Variants in MS4A6A observed in about 807,000 individuals in gnomAD.
MS4A6A encodes membrane spanning 4-domains A6A, also known as membrane-spanning 4-domains subfamily A member 6A.
A neutral mutation model predicts 20.6 loss-of-function variants in MS4A6A; 19 were observed. The observed-to-expected ratio is 0.92, with a 90% CI of 0.64 to 1.36. The LOEUF (loss-of-function observed/expected upper bound fraction) is 1.36, where lower values mean the gene tolerates loss of function less well. Among genes scored for constraint, MS4A6A ranks in the 40% most tolerant of loss-of-function variants. MS4A6A has a pLI of 0.00. For synonymous variants in MS4A6A, 108 were observed against 105.0 expected (o/e 1.03, Z -0.17); for missense variants, 272 against 261.1 (o/e 1.04, Z -0.29).
At chr11:60,181,478 T>C (rs1427433801) in intron 2 of MS4A6A, 103 bp downstream of exon 2, 28 of 1,465,096 alleles carry the variant, frequency 1.9e-5, no homozygotes, top group African/African-American at 2.8e-5. Context: ...TCTAGCAAAA[T>C]TTTAGGGTCT....
In MS4A6A at chr11:60,174,826, T is replaced by C. The variant is rs189328050; in HGVS notation, c.549+576A>G. ...ATTTCTTATCTCCTGATTTAATATA[T>C]CACACTTCTTTCAGCTATAACAAAA... On this transcript the variant is annotated intron_variant, in intron 5 of 5. Transcript: ENST00000528851. 1.4e-3 allele frequency among the ~76,000 whole-genome samples: 216 copies of C among 152,274 alleles called. 3 individuals carry two copies. In the Middle Eastern group the frequency reaches 0.034, roughly 24 times the overall value.
rs1437204813 is a variant in MS4A6A at position 60,179,856 on chromosome 11, G to A, written c.257C>T (p.Ala86Val). ...TQVTSTLLNS[A>V]YPFIGPFFFI... ...AAAAAAGGGTCCTATGAATGGGTAA[G>A]CAGAGTTCAACAGTGTAGAAGTCAC... Residue 86 changes from alanine (A) to valine (V), a missense_variant, in exon 3 of 6, where the codon GCT (alanine) becomes GTT (valine). By Grantham distance (64) the Ala-to-Val change is moderately conservative (BLOSUM62 0). Transcript: ENST00000528851. The A allele has an allele frequency of 2.5e-6, 4 of 1,614,142 alleles. No homozygotes were observed. The East Asian group carries it at 8.9e-5, about 36-fold the overall frequency.
rs1857007468 is a variant in MS4A6A at position 60,179,373 on chromosome 11, A to C, written c.282+458T>G. ...TTACCTGGGAATCAGTCAATGCAGT[A>C]AAAGTATTTTCAAAATGCTCAGAGG... On this transcript the variant is annotated intron_variant, in intron 3 of 5. Coordinates refer to ENST00000528851, the MANE Select transcript of MS4A6A (RefSeq NM_022349.4). 3 of 338,072 alleles carry C rather than the reference A, an allele frequency of 8.9e-6. No homozygotes were observed. In the South Asian group the frequency reaches 1.1e-4, roughly 13 times the overall value. The allele number at this position is 338,072 out of a possible 1,614,324, so 20.9% of individuals were successfully genotyped here.
At chr11:60,172,488 C>T, downstream of MS4A6A, 1 of 1,235,294 alleles carries the variant, frequency 8.1e-7, no homozygotes, top group South Asian at 2.7e-5. Flanking sequence ...AGCCATAAGT[C>T]CATAGGGGTT....
chr11:60,174,494 T>A (rs1395542160), intron 5 of MS4A6A, among the ~76,000 whole-genome samples: 2 of 151,958 alleles, frequency 1.3e-5, no homozygotes, highest in Non-Finnish European at 2.9e-5. Context: ...CCCAGCTAGT[T>A]TTTGTACTTT....
In MS4A6A at chr11:60,174,474, C is replaced by T. The variant is rs151315052; in HGVS notation, c.549+928G>A. ...CCAAGTAGCTGGGATTACGGCTGCC[C>T]GCCACCACACCCAGCTAGTTTTTGT... On this transcript the variant is annotated intron_variant, in intron 5 of 5. Transcript: ENST00000528851. 3.8e-3 allele frequency among the ~76,000 whole-genome samples: 582 copies of T among 152,054 alleles called. 4 individuals carry two copies. The highest frequency in any genetic ancestry group is 0.013 in the African/African-American group (525 of 41,464).
At chr11:60,183,299 G>T, upstream of MS4A6A, 1 of 887,586 alleles carries the variant, frequency 1.1e-6, no homozygotes, top group Non-Finnish European at 1.7e-6. Flanking sequence ...CTGTTGTTAG[G>T]CAAGTCTGTT....
At chr11:60,172,375 T>C, downstream of MS4A6A, 2 of 1,445,366 alleles carry the variant, frequency 1.4e-6, no homozygotes, top group Non-Finnish European at 1.8e-6. Flanking sequence ...GTAGAGCATA[T>C]CACCAGGTTC....
intron 5 of MS4A6A, among the ~76,000 whole-genome samples, chr11:60,174,313 A>T (rs1856727378): frequency 6.7e-6 from 1 of 149,328 alleles, no homozygotes; most frequent in African/African-American, 2.4e-5. Context: ...AATATTCTGC[A>T]ATTTCTTTAT....
intron 4 of MS4A6A, 34 bp downstream of exon 4, chr11:60,178,226 C>T (rs1483848141): frequency 1.3e-6 from 2 of 1,571,604 alleles, no homozygotes; most frequent in East Asian, 2.2e-5. Flanking sequence ...TTATTTTGAT[C>T]CATTGGGTTG....
intron 3 of MS4A6A, 24 bp from the exon 4 acceptor site, chr11:60,178,340 A>G (rs1301916800): frequency 6.2e-7 from 1 of 1,605,970 alleles, no homozygotes; most frequent in Non-Finnish European, 8.5e-7. Flanking sequence ...GAAAATGGTC[A>G]GGTCAGATTC....
chr11:60,173,725 C>A (rs1590664809), intron 5 of MS4A6A, among the ~76,000 whole-genome samples: 1 of 151,604 alleles, frequency 6.6e-6, no homozygotes, highest in Non-Finnish European at 1.5e-5. Context: ...GTTGTTTTTT[C>A]TTTTTTTTCT....
intron 4 of MS4A6A, 119 bp downstream of exon 4, chr11:60,178,140 AC>A (rs1299684572): frequency 7.9e-6 from 7 of 884,136 alleles, no homozygotes; most frequent in Non-Finnish European, 1.1e-5. Context: ...AATTCTAACA[AC>A]AACCAACTGC....
intron 3 of MS4A6A, chr11:60,179,437 G>A: frequency 1.9e-6 from 1 of 513,064 alleles, no homozygotes; most frequent in East Asian, 3.4e-5. Flanking sequence ...ACAAGCATGG[G>A]GGGGATAACA....
chr11:60,179,539 T>C, intron 3 of MS4A6A: 1 of 591,314 alleles, frequency 1.7e-6, no homozygotes, highest in Non-Finnish European at 3.0e-6. Flanking sequence ...TCCTAATTCA[T>C]GGATTTTTTT....
chr11:60,176,731 T>A (rs1194320686), intron 4 of MS4A6A, among the ~76,000 whole-genome samples: 2 of 152,224 alleles, frequency 1.3e-5, no homozygotes, highest in Non-Finnish European at 2.9e-5. Context: ...AGAGTCTATA[T>A]TTCTTAGAAT....
rs565781026 is a variant in MS4A6A at position 60,178,501 on chromosome 11, A to G, written c.283-185T>C. 9.8e-5 allele frequency: 50 copies of G among 510,658 alleles called. No homozygotes were observed. The South Asian group carries it at 1.5e-3, about 16-fold the overall frequency. 31.6% of individuals were successfully genotyped at this position (510,658 alleles called of 1,614,324 possible). ...CATATAACATTCAGATAACATCAGAAAAAAAAAAGATAGCAGAAATATATC... is the reference window on the plus strand; with the variant it reads ...CATATAACATTCAGATAACATCAGAGAAAAAAAAGATAGCAGAAATATATC... On this transcript the variant is annotated intron_variant, in intron 3 of 5. Transcript: ENST00000528851.
intron 2 of MS4A6A, chr11:60,181,099 G>A (rs910295839): frequency 6.6e-5 from 30 of 451,702 alleles, no homozygotes; most frequent in Admixed American, 5.7e-4. Flanking sequence ...TAAATTCTGG[G>A]TGAGAGGAGA....
rs770908728 is a variant in MS4A6A at position 60,181,560 on chromosome 11, C to T, written c.147+21G>A. 15 of 1,613,588 alleles carry T rather than the reference C, an allele frequency of 9.3e-6. No homozygotes were observed. In the Admixed American group the frequency reaches 2.0e-4, roughly 22 times the overall value. On this transcript the variant is annotated intron_variant, in intron 2 of 5. Coordinates refer to ENST00000528851, the MANE Select transcript of MS4A6A (RefSeq NM_022349.4). ...GGCACTTCCCCCAACCCCTCTCCAA[C>T]ACGTTCTGAATTAGATTTACCCCAA...
Sources: gnomAD v4.1 joint callset for allele counts (sites outside exome capture counted in the v4.1 genomes callset) on GRCh38, gnomAD v4.1.1 for gene constraint, MANE v1.5 for transcripts, NCBI Gene and HGNC (gene_info 2026-07-23, HGNC 2026-07-21) for gene names.